Variants in MAP2K4 observed in about 807,000 individuals in gnomAD.
MAP2K4 encodes mitogen-activated protein kinase kinase 4, also known as dual specificity mitogen-activated protein kinase kinase 4.
In MAP2K4, 4 loss-of-function variants were observed where a neutral mutation model predicts 48.5. The observed-to-expected ratio is 0.08, with a 90% CI of 0.04 to 0.19. MAP2K4 has a LOEUF of 0.19. Among genes scored for constraint, MAP2K4 ranks in the 10% least tolerant of loss-of-function variants. The pLI, the probability that MAP2K4 is intolerant of heterozygous loss-of-function variation, is 1.00. For synonymous variants in MAP2K4, 166 were observed against 173.1 expected (o/e 0.96, Z 0.32); for missense variants, 258 against 493.3 (o/e 0.52, Z 4.52).
intron 7 of MAP2K4, among the ~76,000 whole-genome samples, chr17:12,114,692 G>A (rs565362557): frequency 3.9e-5 from 6 of 152,226 alleles, no homozygotes; most frequent in South Asian, 4.2e-4. Flanking sequence ...GTGACTAAAT[G>A]TTTTTGTTGT....
In MAP2K4 at chr17:12,061,477, T is replaced by C. The variant is rs577830274; in HGVS notation, c.218+6486T>C. Among the ~76,000 whole-genome samples, 29 of 152,294 alleles carry C rather than the reference T, an allele frequency of 1.9e-4. No individual in the cohort carries two copies. The South Asian group carries it at 3.9e-3, about 21-fold the overall frequency. On this transcript the variant is annotated intron_variant, in intron 2 of 10. Coordinates refer to ENST00000353533, the MANE Select transcript of MAP2K4 (RefSeq NM_003010.4). ...AATAGGAGTGGTAGAACTGATTTTC[T>C]TTGTGGGCCCCTACCCCCTTGAGAT...
chr17:12,058,227 CTTT>C (rs144800120), intron 2 of MAP2K4, among the ~76,000 whole-genome samples: 17 of 130,018 alleles, frequency 1.3e-4, no homozygotes, highest in Admixed American at 2.3e-4. Flanking sequence ...CTAGACCTTT[CTTT>C]TTTTTTTTTT....
chr17:12,048,879 A>G (rs1039813574), intron 1 of MAP2K4, among the ~76,000 whole-genome samples: 2 of 149,878 alleles, frequency 1.3e-5, no homozygotes, highest in East Asian at 2.0e-4. Context: ...CTGGTCTTGA[A>G]CTCCTGACCT....
At chr17:12,022,755 GA>G (rs2151503254) in intron 1 of MAP2K4, among the ~76,000 whole-genome samples, 1 of 152,296 alleles carries the variant, frequency 6.6e-6, no homozygotes, top group Non-Finnish European at 1.5e-5. Context: ...AGCTAAACAT[GA>G]AAAATTACTA....
At chr17:12,076,377 A>G (rs1020942113) in intron 2 of MAP2K4, among the ~76,000 whole-genome samples, 30 of 150,942 alleles carry the variant, frequency 2.0e-4, no homozygotes, top group Middle Eastern at 3.5e-3. Context: ...GTCTGGGTCA[A>G]TGAAGGGACA....
chr17:12,087,434 C>G (rs1971406627), intron 3 of MAP2K4, among the ~76,000 whole-genome samples: 1 of 152,146 alleles, frequency 6.6e-6, no homozygotes, highest in East Asian at 1.9e-4. Flanking sequence ...TGATACCACT[C>G]TTACCAAGGC....
intron 1 of MAP2K4, among the ~76,000 whole-genome samples, chr17:12,054,315 G>A (rs570144653): frequency 1.3e-5 from 2 of 151,976 alleles, no homozygotes; most frequent in South Asian, 4.1e-4. Flanking sequence ...TACCATGGTG[G>A]TTTTACTTGG....
chr17:12,042,711 T>G (rs1969829538), intron 1 of MAP2K4, among the ~76,000 whole-genome samples: 1 of 151,860 alleles, frequency 6.6e-6, no homozygotes, highest in Non-Finnish European at 1.5e-5. Flanking sequence ...TCTCTGACTT[T>G]CCTGAGTTAG....
chr17:12,110,304 G>C, intron 5 of MAP2K4, 71 bp from the exon 6 acceptor site: 2 of 1,030,032 alleles, frequency 1.9e-6, no homozygotes, highest in East Asian at 2.4e-5. Flanking sequence ...GATATTACTT[G>C]TGATAAACTG....
intron 2 of MAP2K4, among the ~76,000 whole-genome samples, chr17:12,074,627 A>G (rs572619245): frequency 3.2e-4 from 49 of 152,206 alleles, no homozygotes; most frequent in African/African-American, 1.2e-3. Context: ...GGTTCCTCAC[A>G]ATCATCCGCT....
At chr17:12,125,619 A>G (rs1972829123) in intron 8 of MAP2K4, among the ~76,000 whole-genome samples, 1 of 152,188 alleles carries the variant, frequency 6.6e-6, no homozygotes, top group Admixed American at 6.5e-5. Context: ...TCTTGGCCAC[A>G]GATAATAGGA....
chr17:12,066,834 C>T (rs1250686908), intron 2 of MAP2K4, among the ~76,000 whole-genome samples: 2 of 152,272 alleles, frequency 1.3e-5, no homozygotes, highest in Middle Eastern at 3.4e-3. Context: ...GGACTACAGG[C>T]GCCCGCCACT....
At chr17:12,086,244 GACTT>G (rs754873124) in intron 3 of MAP2K4, among the ~76,000 whole-genome samples, 3 of 152,104 alleles carry the variant, frequency 2.0e-5, no homozygotes, top group East Asian at 1.9e-4. Flanking sequence ...CAGATCATGT[GACTT>G]ACTTAAGGCA....
intron 9 of MAP2K4, among the ~76,000 whole-genome samples, chr17:12,130,915 T>C (rs1318735740): frequency 6.6e-6 from 1 of 152,146 alleles, no homozygotes; most frequent in African/African-American, 2.4e-5. Flanking sequence ...TTATGATGTA[T>C]ATCTGATCAT....
intron 2 of MAP2K4, among the ~76,000 whole-genome samples, chr17:12,075,487 G>A (rs1970972969): frequency 1.3e-5 from 2 of 152,192 alleles, no homozygotes; most frequent in African/African-American, 4.8e-5. Context: ...TGCAGGACAA[G>A]GGTTGATGGT....
At chr17:12,098,012 A>G in intron 4 of MAP2K4, among the ~76,000 whole-genome samples, 1 of 152,210 alleles carries the variant, frequency 6.6e-6, no homozygotes, top group Non-Finnish European at 1.5e-5. Context: ...GAATAATAAG[A>G]GTTTTAGAAA....
intron 5 of MAP2K4, 103 bp downstream of exon 5, chr17:12,108,012 T>G (rs1972178946): frequency 3.3e-5 from 34 of 1,041,430 alleles, no homozygotes; most frequent in Non-Finnish European, 4.3e-5. Context: ...AGTACCTTCC[T>G]GAAAATAATT....
chr17:12,103,032 T>C (rs1016550672), intron 4 of MAP2K4, among the ~76,000 whole-genome samples: 5 of 149,376 alleles, frequency 3.3e-5, no homozygotes, highest in Non-Finnish European at 7.4e-5. Context: ...TTTTCTTTTC[T>C]TATCTTTAAA....
chr17:12,054,969 A>G lies in MAP2K4; in HGVS notation c.196A>G (p.Thr66Ala), dbSNP rs780013239. The G allele has an allele frequency of 1.9e-6, 3 of 1,610,756 alleles. No individual in the cohort carries two copies. The Admixed American group carries it at 5.0e-5, about 27-fold the overall frequency. The stretch of plus-strand genomic sequence containing the variant: ...AAGGTTTACTCTGAATCCCAATCCT[A>G]CAGGAGTTCAAAACCCACACATGTG... Reference protein sequence around the residue: ...TARFTLNPNPTGVQNPHIERL... With the variant: ...TARFTLNPNPAGVQNPHIERL... Residue 66 changes from threonine to alanine, a missense_variant, in exon 2 of 11, where the codon ACA (threonine) becomes GCA (alanine). Coordinates refer to ENST00000353533, the MANE Select transcript of MAP2K4 (RefSeq NM_003010.4).
Sources: allele counts gnomAD v4.1 joint callset (sites outside exome capture counted in the v4.1 genomes callset), GRCh38; gene constraint gnomAD v4.1.1; transcripts MANE v1.5; gene names NCBI Gene and HGNC (gene_info 2026-07-23, HGNC 2026-07-21).